TBCB: variants seen among roughly 807,000 people sequenced by gnomAD.
TBCB encodes tubulin-folding cofactor B.
TBCB carries 18 observed loss-of-function variants against 29.2 expected under a neutral mutation model. The ratio of observed to expected loss-of-function variants is 0.62; its 90% CI spans 0.43 to 0.91. The LOEUF (loss-of-function observed/expected upper bound fraction) is 0.91. TBCB is among the 40% of genes least tolerant of loss of function. TBCB has a pLI of 0.00. For missense variants in TBCB, 336 were observed against 337.6 expected (o/e 1.00, Z 0.04); for synonymous variants, 172 against 137.8 (o/e 1.25, Z -1.74).
intron 4 of TBCB, among the ~76,000 whole-genome samples, chr19:36,123,696 G>C (rs1209141377): frequency 1.3e-5 from 2 of 152,110 alleles, no homozygotes; most frequent in South Asian, 2.1e-4. Flanking sequence ...CCAACATGGT[G>C]AAACCCCATC....
In TBCB at chr19:36,121,052, G is replaced by A. The variant is rs578115893; in HGVS notation, c.355+246G>A. Among the ~76,000 whole-genome samples, 26 of 150,582 alleles carry A rather than the reference G, an allele frequency of 1.7e-4. No homozygotes were observed. In the South Asian group the frequency reaches 5.3e-3, roughly 31 times the overall value. On this transcript the variant is annotated intron_variant, in intron 3 of 5. Transcript: ENST00000221855. Reference sequence around the variant, plus strand: ...TGGTCGGGGGAGGGCTGGGAAAGTGGAGGGAGTTGAGGGGTAGGTGTGGGG... The same window carrying A: ...TGGTCGGGGGAGGGCTGGGAAAGTGAAGGGAGTTGAGGGGTAGGTGTGGGG...
chr19:36,125,831 C>A lies in TBCB; in HGVS notation c.*49C>A. ...AGCTCCTAGCTCAGCCACTGACTGC[C>A]CCTCCTGTGTGTGCCCATGGCCCTT... On this transcript the variant is annotated 3_prime_UTR_variant, in exon 6 of 6. Transcript: ENST00000221855. 1 of 1,367,700 alleles carries A rather than the reference C, an allele frequency of 7.3e-7. No homozygotes were observed. Among genetic ancestry groups the A allele is most frequent in the Non-Finnish European group, 9.8e-7 (1 of 1,021,122 alleles). 84.7% of individuals were successfully genotyped at this position (1,367,700 alleles called of 1,614,324 possible). A position where few individuals can be genotyped will look rare whatever the true frequency, so the allele number is the denominator to read the frequency against.
intron 4 of TBCB, chr19:36,122,104 T>A: frequency 3.4e-6 from 1 of 293,714 alleles, no homozygotes; most frequent in Non-Finnish European, 6.5e-6. Flanking sequence ...TGGGAGCATC[T>A]GAAGGAAAGG....
intron 2 of TBCB, among the ~76,000 whole-genome samples, chr19:36,118,967 G>A (rs1279431460): frequency 6.6e-6 from 1 of 152,184 alleles, no homozygotes; most frequent in Non-Finnish European, 1.5e-5. Flanking sequence ...GTCTGGAGCT[G>A]TGGGTCAGGC....
intron 4 of TBCB, among the ~76,000 whole-genome samples, chr19:36,123,176 A>G (rs1171634310): frequency 6.6e-6 from 1 of 151,664 alleles, no homozygotes; most frequent in Non-Finnish European, 1.5e-5. Flanking sequence ...ACCACAGTGT[A>G]TCCAGTCACC....
At chr19:36,115,149 C>CA, upstream of TBCB, 1 of 572,590 alleles carries the variant, frequency 1.7e-6, no homozygotes, top group Non-Finnish European at 3.1e-6. Flanking sequence ...TCGTAAACCG[C>CA]AAAACACTGA....
intron 4 of TBCB, 70 bp from the exon 5 acceptor site, chr19:36,125,381 T>C: frequency 6.5e-7 from 1 of 1,544,220 alleles, no homozygotes; most frequent in Non-Finnish European, 8.9e-7. Flanking sequence ...GGATCCAGGG[T>C]GATCCTGAAA....
At chr19:36,123,951 A>G (rs1352591261) in intron 4 of TBCB, among the ~76,000 whole-genome samples, 3 of 152,176 alleles carry the variant, frequency 2.0e-5, no homozygotes, top group Non-Finnish European at 2.9e-5. Context: ...CCTGGGCCAC[A>G]TGGTAACACT....
At chr19:36,116,364 G>A in intron 2 of TBCB, 180 bp downstream of exon 2, 1 of 774,894 alleles carries the variant, frequency 1.3e-6, no homozygotes, top group African/African-American at 1.8e-5. Flanking sequence ...AGTGGTCTGG[G>A]CTGGGATCAG....
chr19:36,121,271 G>A (rs1272019475), intron 3 of TBCB, among the ~76,000 whole-genome samples: 1 of 151,974 alleles, frequency 6.6e-6, no homozygotes. Flanking sequence ...GCAGATGTGC[G>A]CTGAAGGGGT....
intron 4 of TBCB, 29 bp downstream of exon 4, chr19:36,121,747 C>G: frequency 6.5e-7 from 1 of 1,547,974 alleles, no homozygotes; most frequent in South Asian, 1.2e-5. Context: ...CGGTCCCGGG[C>G]TCCAGGGCTC....
chr19:36,118,297 A>C (rs1973989553), intron 2 of TBCB, among the ~76,000 whole-genome samples: 1 of 152,174 alleles, frequency 6.6e-6, no homozygotes, highest in Non-Finnish European at 1.5e-5. Flanking sequence ...AGGGTTGTGT[A>C]GGAGATCATG....
Position 36,125,759 on chromosome 19 carries a change from G to A in TBCB, c.712G>A (p.Asp238Asn). 6.4e-7 allele frequency: 1 copy of A among 1,553,268 alleles called. No individual in the cohort carries two copies. Residue 238 changes from aspartate (D) to asparagine (N), a missense_variant, in exon 6 of 6, where the codon GAC (aspartate) becomes AAC (asparagine). By Grantham distance (23) the Asp-to-Asn change is conservative. Coordinates refer to ENST00000221855, the MANE Select transcript of TBCB (RefSeq NM_001281.3). The stretch of plus-strand genomic sequence containing the variant: ...GACGGTGGGGGACTTCCCGGAGGAG[G>A]ACTACGGGTTGGACGAGATATGACA... ...VVTVGDFPEEDYGLDEI is the reference protein window; with the variant it reads ...VVTVGDFPEENYGLDEI
upstream of TBCB, chr19:36,115,091 T>C (rs1973921193): frequency 3.4e-6 from 2 of 596,518 alleles, no homozygotes; most frequent in Non-Finnish European, 6.0e-6. Flanking sequence ...CCGCCTCAGT[T>C]TACAGAATAG....
rs112154946 is a variant in TBCB at position 36,121,846 on chromosome 19, A to G, written c.547+128A>G. ...GCGGGGTTGGGGGGGACTCGAAACGATCTCAGTCCCTGGAGGTGACGGAAC... is the reference window on the plus strand; with the variant it reads ...GCGGGGTTGGGGGGGACTCGAAACGGTCTCAGTCCCTGGAGGTGACGGAAC... On this transcript the variant is annotated intron_variant, in intron 4 of 5. Transcript: ENST00000221855. 4.6e-4 allele frequency: 552 copies of G among 1,208,576 alleles called. 2 individuals are homozygous for G. In the African/African-American group the frequency reaches 7.5e-3, roughly 16 times the overall value. The allele number at this position is 1,208,576 out of a possible 1,614,324, so 74.9% of individuals were successfully genotyped here. A position where few individuals can be genotyped will look rare whatever the true frequency, so the allele number is the denominator to read the frequency against.
chr19:36,115,388 G>T (rs1358802195), upstream of TBCB: 7 of 599,478 alleles, frequency 1.2e-5, no homozygotes, highest in Non-Finnish European at 2.1e-5. Context: ...TCTTCCTGGC[G>T]GTGGGGAAGG....
intron 2 of TBCB, chr19:36,118,689 A>AG (rs1310482201): frequency 6.6e-6 from 1 of 152,004 alleles, no homozygotes; most frequent in African/African-American, 2.4e-5. Context: ...TTAAAAAAAA[A>AG]AAAAAAAAAA....
In TBCB at chr19:36,125,431, G is replaced by A. The variant is rs1974120951; in HGVS notation, c.548-20G>A. ...CTTCTATGTCCAGAAGCTTCACAGG[G>A]ATTTCTCTTCTGTTGGCAGGTCTCA... On this transcript the variant is annotated intron_variant, in intron 4 of 5. Coordinates refer to ENST00000221855, the MANE Select transcript of TBCB (RefSeq NM_001281.3). The A allele has an allele frequency of 1.2e-6, 2 of 1,613,478 alleles. No homozygotes were observed. Among genetic ancestry groups the A allele is most frequent in the Non-Finnish European group, 1.7e-6 (2 of 1,179,370 alleles).
intron 4 of TBCB, among the ~76,000 whole-genome samples, chr19:36,123,952 T>C (rs1432062728): frequency 6.6e-6 from 1 of 152,186 alleles, no homozygotes; most frequent in Non-Finnish European, 1.5e-5. Context: ...CTGGGCCACA[T>C]GGTAACACTG....
Sources: allele counts gnomAD v4.1 joint callset (sites outside exome capture counted in the v4.1 genomes callset), GRCh38; gene constraint gnomAD v4.1.1; transcripts MANE v1.5; gene names NCBI Gene and HGNC (gene_info 2026-07-23, HGNC 2026-07-21).